The following PDE4B variants were observed in gnomAD, a reference collection of about 807,000 sequenced individuals.
The protein encoded by PDE4B is phosphodiesterase 4B, also known as 3',5'-cyclic-AMP phosphodiesterase 4B.
A neutral mutation model predicts 82.2 loss-of-function variants in PDE4B; 20 were observed. The ratio of observed to expected loss-of-function variants is 0.24; its 90% CI spans 0.17 to 0.35. The LOEUF (loss-of-function observed/expected upper bound fraction) is 0.35. Among genes scored for constraint, PDE4B ranks in the 10% least tolerant of loss-of-function variants. PDE4B has a pLI of 1.00. For synonymous variants in PDE4B, 320 were observed against 318.9 expected (o/e 1.00, Z -0.04); for missense variants, 655 against 907.2 (o/e 0.72, Z 3.57).
chr1:65,919,225 A>G (rs1647197042), intron 3 of PDE4B, among the ~76,000 whole-genome samples: 2 of 152,288 alleles, frequency 1.3e-5, no homozygotes, highest in South Asian at 2.1e-4. Context: ...TGAACTCTAC[A>G]CTTCTCCCTA....
chr1:65,880,624 A>G (rs1392997777), intron 1 of PDE4B, among the ~76,000 whole-genome samples: 2 of 152,198 alleles, frequency 1.3e-5, no homozygotes, highest in Non-Finnish European at 1.5e-5. Flanking sequence ...ACATGGTGAA[A>G]AAGCACTATT....
At chr1:65,945,659 C>T (rs1249271594) in intron 3 of PDE4B, among the ~76,000 whole-genome samples, 1 of 152,002 alleles carries the variant, frequency 6.6e-6, no homozygotes, top group Non-Finnish European at 1.5e-5. Context: ...TAGGTCCATT[C>T]ATAGACTCTG....
chr1:66,244,995 C>G (rs1311282833), intron 3 of PDE4B, among the ~76,000 whole-genome samples: 1 of 152,126 alleles, frequency 6.6e-6, no homozygotes, highest in South Asian at 2.1e-4. Flanking sequence ...AAAAAGAAGG[C>G]AGAATGAGCC....
intron 3 of PDE4B, among the ~76,000 whole-genome samples, chr1:66,185,969 G>A (rs1024935134): frequency 2.0e-5 from 3 of 152,132 alleles, no homozygotes; most frequent in South Asian, 2.1e-4. Flanking sequence ...ATGGTTTTAG[G>A]TCTAACATTT....
chr1:66,263,072 T>G (rs989693539), intron 6 of PDE4B, among the ~76,000 whole-genome samples: 2 of 152,346 alleles, frequency 1.3e-5, no homozygotes, highest in African/African-American at 4.8e-5. Context: ...AGTACCTCCA[T>G]CATAGCAAAT....
At chr1:66,174,096 T>A (rs976098864) in intron 3 of PDE4B, among the ~76,000 whole-genome samples, 10 of 152,166 alleles carry the variant, frequency 6.6e-5, no homozygotes, top group African/African-American at 2.2e-4. Flanking sequence ...TTTACTTTTT[T>A]AAGTTACTTT....
intron 7 of PDE4B, among the ~76,000 whole-genome samples, chr1:66,276,122 G>A (rs1655863803): frequency 1.3e-5 from 2 of 152,152 alleles, no homozygotes; most frequent in Admixed American, 6.6e-5. Context: ...AATGTCCAAA[G>A]CCCACATGTG....
At chr1:66,255,004 C>T (rs1237669057) in intron 4 of PDE4B, among the ~76,000 whole-genome samples, 1 of 151,948 alleles carries the variant, frequency 6.6e-6, no homozygotes, top group Non-Finnish European at 1.5e-5. Flanking sequence ...TTTCTCTCTC[C>T]TCTCTCTTTT....
At chr1:65,808,548 G>C (rs1486122055) in intron 1 of PDE4B, among the ~76,000 whole-genome samples, 1 of 152,246 alleles carries the variant, frequency 6.6e-6, no homozygotes, top group African/African-American at 2.4e-5. Flanking sequence ...TTCCACATAG[G>C]TGAGGAATGG....
chr1:65,840,888 G>A (rs551682767), intron 1 of PDE4B, among the ~76,000 whole-genome samples: 1 of 152,280 alleles, frequency 6.6e-6, no homozygotes, highest in South Asian at 2.1e-4. Flanking sequence ...TTTCGGAATC[G>A]CTATGTTGAG....
chr1:66,246,596 G>C (rs574995420), intron 3 of PDE4B, among the ~76,000 whole-genome samples: 1 of 152,342 alleles, frequency 6.6e-6, no homozygotes, highest in Admixed American at 6.5e-5. Flanking sequence ...AGGAGAATGT[G>C]AAAAGGGCAC....
At chr1:66,226,262 G>A (rs183644074) in intron 3 of PDE4B, among the ~76,000 whole-genome samples, 60 of 150,458 alleles carry the variant, frequency 4.0e-4, no homozygotes, top group African/African-American at 1.5e-3. Flanking sequence ...CTACAGGTCA[G>A]GCACTGTACT....
chr1:66,326,529 A>T (rs1247339872), intron 7 of PDE4B, among the ~76,000 whole-genome samples: 1 of 152,198 alleles, frequency 6.6e-6, no homozygotes, highest in Non-Finnish European at 1.5e-5. Context: ...TATGTTTATG[A>T]TATTCATTCC....
intron 3 of PDE4B, among the ~76,000 whole-genome samples, chr1:66,041,528 T>C (rs1199109430): frequency 3.1e-4 from 47 of 151,914 alleles, no homozygotes; most frequent in Admixed American, 3.1e-3. Context: ...TGTCATTGCT[T>C]ATACTTTACC....
intron 3 of PDE4B, among the ~76,000 whole-genome samples, chr1:66,093,846 C>A (rs762097983): frequency 2.5e-4 from 38 of 151,972 alleles, no homozygotes; most frequent in Non-Finnish European, 5.2e-4. Flanking sequence ...ACAACTTATG[C>A]CGCTCATATC....
chr1:66,314,422 G>T (rs1267034977), intron 7 of PDE4B, among the ~76,000 whole-genome samples: 1 of 151,884 alleles, frequency 6.6e-6, no homozygotes, highest in Non-Finnish European at 1.5e-5. Flanking sequence ...GTTTTGTTTT[G>T]TTTTTTTGGA....
chr1:65,800,088 T>C (rs1438763564), intron 1 of PDE4B, among the ~76,000 whole-genome samples: 1 of 152,224 alleles, frequency 6.6e-6, no homozygotes, highest in Non-Finnish European at 1.5e-5. Context: ...GGGGGATTTT[T>C]CTAAGGGTAA....
intron 1 of PDE4B, among the ~76,000 whole-genome samples, chr1:65,887,381 CTTCCTTCTT>C (rs1413312205): frequency 6.8e-5 from 4 of 59,242 alleles, no homozygotes; most frequent in African/African-American, 2.9e-4. Context: ...CCCTTCCTTC[CTTCCTTCTT>C]TTCTTTCTTT....
intron 1 of PDE4B, among the ~76,000 whole-genome samples, chr1:65,906,175 A>G (rs1289717976): frequency 6.6e-6 from 1 of 152,188 alleles, no homozygotes; most frequent in South Asian, 2.1e-4. Flanking sequence ...GAGCATGAGC[A>G]GATGCCCAGC....
Sources: gnomAD v4.1 joint callset for allele counts (sites outside exome capture counted in the v4.1 genomes callset) on GRCh38, gnomAD v4.1.1 for gene constraint, MANE v1.5 for transcripts, NCBI Gene and HGNC (gene_info 2026-07-23, HGNC 2026-07-21) for gene names.